PTPRT: variants seen among roughly 807,000 people sequenced by gnomAD.
PTPRT encodes the protein receptor-type tyrosine-protein phosphatase T.
PTPRT carries 56 observed loss-of-function variants against 176.8 expected under a neutral mutation model. The ratio of observed to expected loss-of-function variants is 0.32; its 90% CI spans 0.26 to 0.40. PTPRT has a LOEUF of 0.40. Among genes scored for constraint, PTPRT ranks in the 10% least tolerant of loss-of-function variants. The probability of loss-of-function intolerance (pLI) is 1.00; values close to 1 mark genes in which losing one functional copy is unlikely to be tolerated. For synonymous variants in PTPRT, 783 were observed against 739.0 expected (o/e 1.06, Z -0.96); for missense variants, 1,540 against 1,908.2 (o/e 0.81, Z 3.60).
chr20:42,609,672 CA>C (rs1284175749), intron 7 of PTPRT, among the ~76,000 whole-genome samples: 1 of 152,150 alleles, frequency 6.6e-6, no homozygotes, highest in African/African-American at 2.4e-5. Flanking sequence ...AGCTGCAAAC[CA>C]GAGCCTTCCA....
intron 1 of PTPRT, among the ~76,000 whole-genome samples, chr20:43,105,366 C>T (rs895432509): frequency 6.6e-6 from 1 of 151,846 alleles, no homozygotes; most frequent in East Asian, 1.9e-4. Flanking sequence ...ATAGCTTTAC[C>T]GACTCCATGA....
intron 1 of PTPRT, among the ~76,000 whole-genome samples, chr20:43,181,165 C>T (rs894329782): frequency 3.3e-5 from 5 of 152,144 alleles, no homozygotes; most frequent in Non-Finnish European, 5.9e-5. Context: ...AAGTGAATCC[C>T]GCCAACAGCC....
intron 6 of PTPRT, among the ~76,000 whole-genome samples, chr20:42,702,756 G>A (rs999716769): frequency 6.6e-6 from 1 of 152,196 alleles, no homozygotes; most frequent in African/African-American, 2.4e-5. Flanking sequence ...GCAAGGTGGT[G>A]TTTATCAAGT....
intron 1 of PTPRT, among the ~76,000 whole-genome samples, chr20:42,948,822 T>A (rs778319838): frequency 1.3e-5 from 2 of 152,208 alleles, no homozygotes; most frequent in Non-Finnish European, 2.9e-5. Context: ...GCTAGAGCGA[T>A]GACTGCCACA....
At chr20:42,333,774 G>T (rs139823900) in intron 11 of PTPRT, among the ~76,000 whole-genome samples, 1 of 152,108 alleles carries the variant, frequency 6.6e-6, no homozygotes, top group Middle Eastern at 3.2e-3. Context: ...TGCCTCCTGC[G>T]TTCAAGCTAG....
intron 7 of PTPRT, among the ~76,000 whole-genome samples, chr20:42,494,788 G>C (rs2071623763): frequency 6.6e-6 from 1 of 152,172 alleles, no homozygotes; most frequent in South Asian, 2.1e-4. Context: ...TATTTGGACA[G>C]ATGAATGGAT....
At chr20:42,179,104 C>G (rs1338959905) in intron 16 of PTPRT, among the ~76,000 whole-genome samples, 3 of 152,144 alleles carry the variant, frequency 2.0e-5, no homozygotes, top group African/African-American at 7.2e-5. Flanking sequence ...TTAAAGTTTG[C>G]CAACCACAAA....
chr20:42,372,082 C>A (rs2058594145), intron 9 of PTPRT, among the ~76,000 whole-genome samples: 1 of 152,098 alleles, frequency 6.6e-6, no homozygotes, highest in Non-Finnish European at 1.5e-5. Flanking sequence ...TCCAAACATT[C>A]CTTACTTCCC....
intron 2 of PTPRT, among the ~76,000 whole-genome samples, chr20:42,871,317 A>T (rs899396347): frequency 0.11 from 56 of 488 alleles, no homozygotes; most frequent in East Asian, 0.33. Context: ...GCCCTTTTTA[A>T]AAAAAAAAAA....
intron 13 of PTPRT, among the ~76,000 whole-genome samples, chr20:42,262,254 C>T (rs974652155): frequency 6.6e-6 from 1 of 152,210 alleles, no homozygotes; most frequent in African/African-American, 2.4e-5. Flanking sequence ...GGAAAAGCAG[C>T]TCTGCTCTTA....
intron 2 of PTPRT, among the ~76,000 whole-genome samples, chr20:42,837,710 G>T (rs1329495787): frequency 6.6e-6 from 1 of 152,208 alleles, no homozygotes. Context: ...TAGCAACGAA[G>T]AGTCCAGTTG....
At chr20:42,621,425 A>C (rs2074194367) in intron 7 of PTPRT, among the ~76,000 whole-genome samples, 2 of 152,194 alleles carry the variant, frequency 1.3e-5, no homozygotes, top group Non-Finnish European at 2.9e-5. Flanking sequence ...AGAGAAAAAT[A>C]AGTTATCTCC....
intron 1 of PTPRT, among the ~76,000 whole-genome samples, chr20:42,984,129 C>T (rs1476074773): frequency 6.6e-6 from 1 of 152,248 alleles, no homozygotes; most frequent in Non-Finnish European, 1.5e-5. Flanking sequence ...TGTGCACAAG[C>T]ACACAGCTCC....
chr20:42,381,942 G>A (rs1002653963), intron 9 of PTPRT, among the ~76,000 whole-genome samples: 2 of 152,142 alleles, frequency 1.3e-5, no homozygotes, highest in Admixed American at 6.5e-5. Flanking sequence ...ATAGAGAAAG[G>A]TGGCAGAGAA....
chr20:43,171,071 G>A lies in PTPRT; in HGVS notation c.88+18575C>T, dbSNP rs185741638. Among the ~76,000 whole-genome samples the A allele has an allele frequency of 1.7e-3, 254 of 152,308 alleles. 1 individual carries two copies. The highest frequency in any genetic ancestry group is 0.014 in the Admixed American group (212 of 15,298). ...TAATGCAATTTCACAGGGTCTTGAC[G>A]TGGATTAAATGGGATAATGTGTGAC... is the stretch of plus-strand genomic sequence containing the variant. On this transcript the variant is annotated intron_variant, in intron 1 of 30. Transcript: ENST00000373187.
intron 1 of PTPRT, among the ~76,000 whole-genome samples, chr20:43,029,626 G>A (rs1233534064): frequency 6.6e-6 from 1 of 152,176 alleles, no homozygotes; most frequent in East Asian, 1.9e-4. Context: ...ATCTGCCCCT[G>A]CCATTGATAT....
intron 1 of PTPRT, among the ~76,000 whole-genome samples, chr20:43,118,268 T>C (rs1337651993): frequency 6.6e-6 from 1 of 152,154 alleles, no homozygotes; most frequent in Non-Finnish European, 1.5e-5. Context: ...GCTAAAAGAA[T>C]GAGTAAATAT....
At chr20:42,134,332 GT>G (rs1763298176) in intron 18 of PTPRT, among the ~76,000 whole-genome samples, 1 of 152,170 alleles carries the variant, frequency 6.6e-6, no homozygotes, top group South Asian at 2.1e-4. Context: ...GGTACTCCTT[GT>G]TTGATATTCA....
intron 6 of PTPRT, among the ~76,000 whole-genome samples, chr20:42,736,606 G>A (rs1328576972): frequency 6.6e-6 from 1 of 152,198 alleles, no homozygotes; most frequent in Non-Finnish European, 1.5e-5. Flanking sequence ...GGATAACAAG[G>A]GTGGTGGCAT....
Sources: allele counts gnomAD v4.1 joint callset (sites outside exome capture counted in the v4.1 genomes callset), GRCh38; gene constraint gnomAD v4.1.1; transcripts MANE v1.5; gene names NCBI Gene and HGNC (gene_info 2026-07-23, HGNC 2026-07-21).